SORCS3: variants seen among roughly 807,000 people sequenced by gnomAD.
The protein encoded by SORCS3 is VPS10 domain-containing receptor SorCS3.
SORCS3 carries 57 observed loss-of-function variants against 146.3 expected under a neutral mutation model. The observed-to-expected ratio is 0.39, with a 90% CI of 0.31 to 0.49. SORCS3 has a LOEUF of 0.49. SORCS3 is among the 20% of genes least tolerant of loss of function. The probability of loss-of-function intolerance (pLI) is 0.92; values close to 1 mark genes in which losing one functional copy is unlikely to be tolerated. For synonymous variants in SORCS3, 653 were observed against 618.5 expected (o/e 1.06, Z -0.83); for missense variants, 1,341 against 1,575.5 (o/e 0.85, Z 2.52).
At chr10:104,668,778 T>C (rs2133255396) in intron 1 of SORCS3, among the ~76,000 whole-genome samples, 1 of 152,356 alleles carries the variant, frequency 6.6e-6, no homozygotes, top group African/African-American at 2.4e-5. Context: ...GGCATTTTAA[T>C]TGTTCACCAT....
intron 2 of SORCS3, among the ~76,000 whole-genome samples, chr10:104,892,457 C>T (rs574205898): frequency 6.6e-6 from 1 of 152,312 alleles, no homozygotes; most frequent in Admixed American, 6.5e-5. Context: ...AGCAGTGTAT[C>T]ACACCTGTAA....
intron 1 of SORCS3, among the ~76,000 whole-genome samples, chr10:104,831,673 C>A (rs1430434041): frequency 6.6e-6 from 1 of 152,178 alleles, no homozygotes; most frequent in African/African-American, 2.4e-5. Flanking sequence ...AGCTCAGGGC[C>A]AGGACCTCTT....
At position 104,977,473 on chromosome 10, in the gene SORCS3, G is replaced by T. The variant is rs553069289; in HGVS notation, c.934G>T (p.Ala312Ser). 2 of 1,610,198 alleles carry T rather than the reference G, an allele frequency of 1.2e-6. No homozygotes were observed. The highest frequency in any genetic ancestry group is 3.4e-5 in the Admixed American group (2 of 59,518). Reference sequence around the variant, plus strand: ...TCCCAAGCAAGAGGACTGGGTGCTGGCCTACAGTTTGGATCAAAAGGTGAA... The same window carrying T: ...TCCCAAGCAAGAGGACTGGGTGCTGTCCTACAGTTTGGATCAAAAGGTGAA... ...FHPKQEDWVLAYSLDQKLYSS... is the reference protein window; with the variant it reads ...FHPKQEDWVLSYSLDQKLYSS... The change falls in exon 4 of 27, where the codon GCC becomes TCC. Residue 312 changes from alanine to serine, a missense_variant. By Grantham distance (99) the Ala-to-Ser change is moderately conservative (BLOSUM62 1). Coordinates refer to ENST00000369701, the MANE Select transcript of SORCS3 (RefSeq NM_014978.3).
At chr10:104,797,850 A>T (rs886529375) in intron 1 of SORCS3, among the ~76,000 whole-genome samples, 4 of 152,162 alleles carry the variant, frequency 2.6e-5, no homozygotes, top group African/African-American at 4.8e-5. Context: ...AGAGAAAAAA[A>T]GTATCTTGGG....
chr10:105,077,614 T>C (rs949941248), intron 5 of SORCS3, among the ~76,000 whole-genome samples: 2 of 151,868 alleles, frequency 1.3e-5, no homozygotes, highest in Non-Finnish European at 2.9e-5. Context: ...AGTTAGACTT[T>C]AGGCAGAACC....
intron 2 of SORCS3, among the ~76,000 whole-genome samples, chr10:104,890,749 C>A (rs1052655597): frequency 6.6e-6 from 1 of 152,248 alleles, no homozygotes; most frequent in Non-Finnish European, 1.5e-5. Flanking sequence ...TAGGGGATTT[C>A]CTGTGCATCA....
chr10:105,255,224 A>C (rs766033122), intron 23 of SORCS3, among the ~76,000 whole-genome samples: 14 of 149,616 alleles, frequency 9.4e-5, no homozygotes, highest in Non-Finnish European at 1.5e-4. Flanking sequence ...GGATCTGCTT[A>C]ATTCAAAACT....
At chr10:105,125,977 C>A (rs1377697769) in intron 7 of SORCS3, among the ~76,000 whole-genome samples, 2 of 151,984 alleles carry the variant, frequency 1.3e-5, no homozygotes, top group Non-Finnish European at 2.9e-5. Context: ...TTGCTGTGTT[C>A]CTTGTTAGTT....
At chr10:105,071,635 A>G (rs553540791) in intron 5 of SORCS3, among the ~76,000 whole-genome samples, 3 of 152,240 alleles carry the variant, frequency 2.0e-5, no homozygotes, top group Non-Finnish European at 4.4e-5. Flanking sequence ...AGAAAAGGGT[A>G]TCGATCCCGT....
At chr10:104,645,062 A>G (rs1666668294) in intron 1 of SORCS3, among the ~76,000 whole-genome samples, 1 of 152,240 alleles carries the variant, frequency 6.6e-6, no homozygotes, top group East Asian at 1.9e-4. Context: ...GGGACAAAGG[A>G]GAAGGAGTGC....
intron 1 of SORCS3, among the ~76,000 whole-genome samples, chr10:104,814,862 A>C (rs540586297): frequency 2.0e-5 from 3 of 152,324 alleles, no homozygotes; most frequent in African/African-American, 7.2e-5. Context: ...CCCATTTTTA[A>C]GTCTTCTCAC....
chr10:104,961,218 T>G (rs755509703), intron 3 of SORCS3, among the ~76,000 whole-genome samples: 16 of 152,172 alleles, frequency 1.1e-4, no homozygotes, highest in Non-Finnish European at 2.2e-4. Context: ...AACAAACGCC[T>G]TGGATGATCT....
chr10:104,795,789 G>T (rs1187236430), intron 1 of SORCS3, among the ~76,000 whole-genome samples: 1 of 152,170 alleles, frequency 6.6e-6, no homozygotes, highest in Non-Finnish European at 1.5e-5. Flanking sequence ...ATCAATTCTT[G>T]GTACCCTATC....
intron 1 of SORCS3, among the ~76,000 whole-genome samples, chr10:104,795,149 T>A (rs1158557567): frequency 6.6e-6 from 1 of 151,792 alleles, no homozygotes; most frequent in Non-Finnish European, 1.5e-5. Context: ...AAAAGGGGAG[T>A]AATTTATAAC....
intron 19 of SORCS3, among the ~76,000 whole-genome samples, chr10:105,218,755 G>A (rs1053777942): frequency 6.6e-6 from 1 of 152,130 alleles, no homozygotes; most frequent in Non-Finnish European, 1.5e-5. Flanking sequence ...GGTGGCTCAC[G>A]CCTGTAATCC....
intron 2 of SORCS3, among the ~76,000 whole-genome samples, chr10:104,847,618 C>G (rs191278346): frequency 5.4e-4 from 82 of 152,312 alleles, no homozygotes; most frequent in Admixed American, 1.5e-3. Flanking sequence ...AGGAGCTCTC[C>G]TCTGGCTGCT....
At chr10:104,874,406 A>T (rs2018549692) in intron 2 of SORCS3, among the ~76,000 whole-genome samples, 1 of 152,170 alleles carries the variant, frequency 6.6e-6, no homozygotes, top group Non-Finnish European at 1.5e-5. Context: ...AGCTATTCTT[A>T]CTGTTATAAT....
At chr10:105,062,143 A>T (rs763556956) in intron 5 of SORCS3, among the ~76,000 whole-genome samples, 1 of 152,236 alleles carries the variant, frequency 6.6e-6, no homozygotes, top group Non-Finnish European at 1.5e-5. Context: ...ATGAATAGCA[A>T]TAACAATAAG....
chr10:105,143,357 T>C (rs552348950), intron 8 of SORCS3, among the ~76,000 whole-genome samples: 2 of 152,242 alleles, frequency 1.3e-5, no homozygotes, highest in African/African-American at 4.8e-5. Flanking sequence ...CATCCTTCAC[T>C]TTTTTTCAAT....
Sources: allele counts gnomAD v4.1 joint callset (sites outside exome capture counted in the v4.1 genomes callset), GRCh38; gene constraint gnomAD v4.1.1; transcripts MANE v1.5; gene names NCBI Gene and HGNC (gene_info 2026-07-23, HGNC 2026-07-21).